TBX5: variants seen among roughly 807,000 people sequenced by gnomAD.
The protein encoded by TBX5 is T-box transcription factor 5.
A neutral mutation model predicts 51.1 loss-of-function variants in TBX5; 8 were observed. The ratio of observed to expected loss-of-function variants is 0.16; its 90% CI spans 0.09 to 0.28. The LOEUF is 0.28. TBX5 is among the 10% of genes least tolerant of loss of function. The pLI, the probability that TBX5 is intolerant of heterozygous loss-of-function variation, is 1.00. For missense variants in TBX5, 589 were observed against 671.7 expected (o/e 0.88, Z 1.36); for synonymous variants, 302 against 266.4 (o/e 1.13, Z -1.30).
Position 114,355,543 on chromosome 12 carries a change from C to T in TBX5, c.1546G>A (p.Asp516Asn), listed in dbSNP as rs200354838. The change falls in exon 9 of 9, where the codon GAC becomes AAC. Residue 516 changes from aspartate (D) to asparagine (N), a missense_variant. This residue lies in a region of TBX5 where 348 missense variants were observed against 360.4 expected (regional missense o/e 0.97). Coordinates refer to ENST00000405440, the MANE Select transcript of TBX5 (RefSeq NM_181486.4). The part of the protein sequence containing the change: ...HGVGMVPEWS[D>N]NS ...AAGCAGGCCTCACTTTAGCTATTGT[C>T]GCTCCACTCTGGCACCATGCCAACT... The T allele has an allele frequency of 1.2e-5, 19 of 1,614,052 alleles. No homozygotes were observed. The highest frequency in any genetic ancestry group is 2.2e-5 in the East Asian group (1 of 44,864).
upstream of TBX5, chr12:114,407,116 A>T (rs1012050313): frequency 5.0e-5 from 49 of 985,022 alleles, no homozygotes; most frequent in Non-Finnish European, 5.8e-5. Context: ...CAGCTGTGTA[A>T]CCCTCTGTGA....
At chr12:114,405,438 A>T (rs558730009) in intron 1 of TBX5, among the ~76,000 whole-genome samples, 190 bp downstream of exon 1, 2 of 152,078 alleles carry the variant, frequency 1.3e-5, no homozygotes, top group Non-Finnish European at 2.9e-5. Context: ...GCAAACCTCA[A>T]TGCCGCTCCG....
At chr12:114,381,355 A>G (rs1335047667) in intron 7 of TBX5, among the ~76,000 whole-genome samples, 1 of 152,144 alleles carries the variant, frequency 6.6e-6, no homozygotes, top group African/African-American at 2.4e-5. Context: ...CAGAATTACA[A>G]GATTAGCAGT....
chr12:114,362,999 A>G (rs2912457), intron 8 of TBX5, among the ~76,000 whole-genome samples: 152,286 of 152,288 alleles, frequency 1, 76,142 homozygotes, highest in Middle Eastern at 1. Context: ...AATTACTTGT[A>G]TAATGTCCAA....
intron 7 of TBX5, among the ~76,000 whole-genome samples, chr12:114,384,740 C>CACACACACAT (rs1870703702): frequency 7.7e-6 from 1 of 130,212 alleles, no homozygotes; most frequent in Admixed American, 7.7e-5. Flanking sequence ...CACACACACA[C>CACACACACAT]ACACAACACA....
At chr12:114,404,109 T>G (rs949333222) in intron 1 of TBX5, among the ~76,000 whole-genome samples, 173 bp from the exon 2 acceptor site, 1 of 152,246 alleles carries the variant, frequency 6.6e-6, no homozygotes, top group Non-Finnish European at 1.5e-5. Flanking sequence ...GAATTATTAC[T>G]GTTACTAGTA....
chr12:114,385,499 C>A lies in TBX5; in HGVS notation c.732G>T (p.Leu244=), dbSNP rs769541948. The change falls in exon 7 of 9, where the codon CTG becomes CTT. Residue 244 remains leucine, a synonymous_variant. Coordinates refer to ENST00000405440, the MANE Select transcript of TBX5 (RefSeq NM_181486.4). ...ACCTTTGCATTCTTGACATTCTGTG[C>A]AGCTCCATGTCATCACTGCCCCGAA... The part of the protein sequence containing the change: ...KGFRGSDDME[L]HRMSRMQSKE... 11 of 1,614,020 alleles carry A rather than the reference C, an allele frequency of 6.8e-6. No individual in the cohort carries two copies. The highest frequency in any genetic ancestry group is 1.6e-4 in the Middle Eastern group (1 of 6,084).
At chr12:114,366,007 T>C in intron 8 of TBX5, 158 bp downstream of exon 8, 2 of 873,612 alleles carry the variant, frequency 2.3e-6, no homozygotes, top group Non-Finnish European at 1.9e-6. Flanking sequence ...TTGTTTTAGC[T>C]GTTTGGTTTA....
At position 114,398,612 on chromosome 12, in the gene TBX5, T is replaced by C. The variant is rs749827599; in HGVS notation, c.471A>G (p.Lys157=). Reference sequence around the variant, plus strand: ...CCAGGTGGTTGTTGGTGAGCTTGAGTTTCTGGAAGGAGACGAGCTGCCTCA... The same window carrying C: ...CCAGGTGGTTGTTGGTGAGCTTGAGCTTCTGGAAGGAGACGAGCTGCCTCA... ...HWMRQLVSFQ[K]LKLTNNHLDP... Residue 157 remains lysine (K), a synonymous_variant, in exon 5 of 9, where the codon AAA becomes AAG. Transcript: ENST00000405440. The C allele has an allele frequency of 1.2e-6, 2 of 1,613,164 alleles. No homozygotes were observed. The highest frequency in any genetic ancestry group is 8.5e-7 in the Non-Finnish European group (1 of 1,179,760).
chr12:114,408,169 A>C, upstream of TBX5: 1 of 985,238 alleles, frequency 1.0e-6, no homozygotes, highest in Non-Finnish European at 1.2e-6. Context: ...CGGGAGGTAA[A>C]TTTCTCTCCG....
chr12:114,364,302 G>T (rs1455482414), intron 8 of TBX5, among the ~76,000 whole-genome samples: 1 of 152,202 alleles, frequency 6.6e-6, no homozygotes, highest in Non-Finnish European at 1.5e-5. Context: ...GAGGCTGTGA[G>T]GTTCAACAGG....
chr12:114,404,821 G>A (rs1203348991), intron 1 of TBX5, among the ~76,000 whole-genome samples: 1 of 152,168 alleles, frequency 6.6e-6, no homozygotes, highest in Non-Finnish European at 1.5e-5. Flanking sequence ...AAAACTGCAG[G>A]CTCAGGCTCA....
chr12:114,398,535 A>T (rs1370677096), intron 5 of TBX5, 38 bp downstream of exon 5: 3 of 1,604,554 alleles, frequency 1.9e-6, no homozygotes, highest in Non-Finnish European at 2.6e-6. Context: ...AGAGGACAAG[A>T]GGGAGACAAG....
upstream of TBX5, chr12:114,407,077 T>C: frequency 1.0e-6 from 1 of 985,330 alleles, no homozygotes; most frequent in Non-Finnish European, 1.2e-6. Flanking sequence ...GAGAAAGGGA[T>C]GGAGGGAGGA....
rs571984426 is a variant in TBX5, at chr12:114,397,286, C to G, written c.510+1287G>C. Among the ~76,000 whole-genome samples the G allele has an allele frequency of 2.6e-5, 4 of 152,252 alleles. No homozygotes were observed. The South Asian group carries it at 6.2e-4, about 24-fold the overall frequency. On this transcript the variant is annotated intron_variant, in intron 5 of 8. Coordinates refer to ENST00000405440, the MANE Select transcript of TBX5 (RefSeq NM_181486.4). ...CCTTTTGTAATTAGAGAGACCTAGCCGCAAATCTCTGCTCCCAAATACAAG... is the reference window on the plus strand; with the variant it reads ...CCTTTTGTAATTAGAGAGACCTAGCGGCAAATCTCTGCTCCCAAATACAAG...
intron 6 of TBX5, among the ~76,000 whole-genome samples, chr12:114,393,334 C>A (rs1251515306): frequency 6.6e-6 from 1 of 152,058 alleles, no homozygotes; most frequent in East Asian, 1.9e-4. Context: ...CCCATATGGA[C>A]CCCCCTCCCA....
At chr12:114,396,270 CG>C (rs1340321304) in intron 5 of TBX5, among the ~76,000 whole-genome samples, 1 of 150,760 alleles carries the variant, frequency 6.6e-6, no homozygotes, top group African/African-American at 2.4e-5. Context: ...CGACGCCGAC[CG>C]GGGCGGCGTG....
chr12:114,359,023 G>GA (rs1047975341), intron 8 of TBX5, among the ~76,000 whole-genome samples: 9 of 148,060 alleles, frequency 6.1e-5, no homozygotes, highest in African/African-American at 1.2e-4. Context: ...TTAGCAAGAG[G>GA]AAAAAAAAAC....
intron 2 of TBX5, 54 bp downstream of exon 2, chr12:114,403,698 C>G (rs775235770): frequency 2.1e-5 from 33 of 1,595,408 alleles, no homozygotes; most frequent in Non-Finnish European, 2.6e-5. Context: ...AGCAGGAAAG[C>G]CAGACTCTGA....
Sources: gnomAD v4.1 joint callset for allele counts (sites outside exome capture counted in the v4.1 genomes callset) on GRCh38, gnomAD v4.1.1 for gene constraint, gnomAD v4.1.1 regional missense constraint, MANE v1.5 for transcripts, NCBI Gene and HGNC (gene_info 2026-07-23, HGNC 2026-07-21) for gene names.